The following ARID1A variants were observed in gnomAD, a reference collection of about 807,000 sequenced individuals.
ARID1A encodes the protein AT-rich interaction domain 1A, also known as AT-rich interactive domain-containing protein 1A.
ARID1A carries 20 observed loss-of-function variants against 212.6 expected under a neutral mutation model. The ratio of observed to expected loss-of-function variants is 0.09; its 90% CI spans 0.07 to 0.14. The LOEUF is 0.14. Ranked by LOEUF, ARID1A falls within the 10% of genes least tolerant of loss-of-function variation. The pLI is 1.00. For synonymous variants in ARID1A, 1,376 were observed against 1,222.1 expected, an observed-to-expected ratio of 1.13 and a Z score of -2.63; for missense variants, 2,587 against 3,059.0, an observed-to-expected ratio of 0.85 and a Z score of 3.64.
At chr1:26,740,379 A>T (rs1466701239) in intron 4 of ARID1A, among the ~76,000 whole-genome samples, 1 of 152,226 alleles carries the variant, frequency 6.6e-6, no homozygotes, top group Non-Finnish European at 1.5e-5. Context: ...GAGTTTGGTG[A>T]AGTCACTGAT....
intron 4 of ARID1A, among the ~76,000 whole-genome samples, chr1:26,746,596 C>CT (rs2080837116): frequency 6.6e-6 from 1 of 152,142 alleles, no homozygotes; most frequent in Non-Finnish European, 1.5e-5. Context: ...AGGTGTGGAG[C>CT]TATGTTAACA....
chr1:26,706,958 T>C (rs1369294174), intron 1 of ARID1A, among the ~76,000 whole-genome samples: 1 of 152,120 alleles, frequency 6.6e-6, no homozygotes, highest in African/African-American at 2.4e-5. Context: ...GAGAACCATA[T>C]TACAAAGCTT....
intron 1 of ARID1A, among the ~76,000 whole-genome samples, chr1:26,700,104 GAGAC>G (rs1275235763): frequency 1.3e-5 from 2 of 152,200 alleles, no homozygotes; most frequent in African/African-American, 4.8e-5. Flanking sequence ...AGTTGTGTAA[GAGAC>G]AGTGCAGCTT....
chr1:26,700,506 T>C (rs1283085782), intron 1 of ARID1A, among the ~76,000 whole-genome samples: 1 of 152,242 alleles, frequency 6.6e-6, no homozygotes, highest in Non-Finnish European at 1.5e-5. Context: ...CCGGTACTGA[T>C]GAAATAGTTT....
intron 11 of ARID1A, among the ~76,000 whole-genome samples, chr1:26,768,635 T>C (rs562502419): frequency 6.6e-6 from 1 of 152,144 alleles, no homozygotes; most frequent in African/African-American, 2.4e-5. Flanking sequence ...GAAGAAGTAG[T>C]AGGAAATTAT....
Position 26,767,841 on chromosome 1 carries a change from C to T in ARID1A, c.3040C>T (p.Leu1014=), listed in dbSNP as rs2124086360. The change falls in exon 11 of 20, where the codon CTG becomes TTG. Residue 1014 remains leucine (L), a synonymous_variant. Coordinates refer to ENST00000324856, the MANE Select transcript of ARID1A (RefSeq NM_006015.6). The stretch of plus-strand genomic sequence containing the variant: ...TGAGAAGATCACCAAGTTGTATGAG[C>T]TGGGTGGTGAGCCTGAGAGGAAGAT... ...TNEKITKLYE[L]GGEPERKMWV... 2 of 1,614,124 alleles carry T rather than the reference C, an allele frequency of 1.2e-6. No homozygotes were observed. Among genetic ancestry groups the T allele is most frequent in the East Asian group, 2.2e-5 (1 of 44,878 alleles).
At chr1:26,705,560 A>G (rs1390002218) in intron 1 of ARID1A, among the ~76,000 whole-genome samples, 5 of 150,512 alleles carry the variant, frequency 3.3e-5, no homozygotes, top group Admixed American at 2.0e-4. Context: ...CCATTTTGGC[A>G]TTTTGCAAAA....
At position 26,781,712 on chromosome 1, in the gene ARID1A, A is replaced by T; in HGVS notation, c.*956A>T. 1 of 233,748 alleles carries T rather than the reference A, an allele frequency of 4.3e-6. No individual in the cohort carries two copies. Among genetic ancestry groups the T allele is most frequent in the Non-Finnish European group, 8.5e-6 (1 of 118,072 alleles). The allele number at this position is 233,748 out of a possible 1,614,324, so 14.5% of individuals were successfully genotyped here. A position where few individuals can be genotyped will look rare whatever the true frequency, so the allele number is the denominator to read the frequency against. On this transcript the variant is annotated 3_prime_UTR_variant, in exon 20 of 20. Transcript: ENST00000324856. ...AGTATGACGAGTTAACAAGTTGGTGACCTGCACAAAGCGAGACACAGCTAT... is the reference window on the plus strand; with the variant it reads ...AGTATGACGAGTTAACAAGTTGGTGTCCTGCACAAAGCGAGACACAGCTAT...
chr1:26,732,885 G>T, intron 4 of ARID1A, 93 bp downstream of exon 4: 1 of 1,083,294 alleles, frequency 9.2e-7, no homozygotes, highest in Non-Finnish European at 1.4e-6. Context: ...AGCTAATTTT[G>T]ACCTAAATGA....
At chr1:26,705,054 A>G (rs1204887414) in intron 1 of ARID1A, among the ~76,000 whole-genome samples, 1 of 151,984 alleles carries the variant, frequency 6.6e-6, no homozygotes, top group Admixed American at 6.6e-5. Flanking sequence ...ACAGCTGAAG[A>G]TGCATGGCAT....
intron 1 of ARID1A, among the ~76,000 whole-genome samples, chr1:26,704,575 T>G (rs1160033215): frequency 6.6e-6 from 1 of 152,128 alleles, no homozygotes; most frequent in Non-Finnish European, 1.5e-5. Flanking sequence ...ATACTGTTTT[T>G]GGCCGGGCGC....
chr1:26,742,898 A>G (rs2080801416), intron 4 of ARID1A, among the ~76,000 whole-genome samples: 1 of 152,194 alleles, frequency 6.6e-6, no homozygotes, highest in Non-Finnish European at 1.5e-5. Flanking sequence ...TGAACCCGAG[A>G]GGCGGAGGTT....
intron 4 of ARID1A, among the ~76,000 whole-genome samples, chr1:26,744,105 T>G (rs886352849): frequency 2.0e-5 from 3 of 152,100 alleles, no homozygotes; most frequent in Admixed American, 6.5e-5. Context: ...CTGCCCAGAC[T>G]GCTAAGAGCA....
chr1:26,696,507 C>CG lies in ARID1A; in HGVS notation c.110dup (p.Glu38ArgfsTer73). The CG allele has an allele frequency of 1.6e-6, 2 of 1,229,556 alleles. No homozygotes were observed. The highest frequency in any genetic ancestry group is 3.3e-5 in the East Asian group (1 of 30,390). The allele number at this position is 1,229,556 out of a possible 1,614,324, so 76.2% of individuals were successfully genotyped here. A position where few individuals can be genotyped will look rare whatever the true frequency, so the allele number is the denominator to read the frequency against. On this transcript the variant is annotated frameshift_variant, in exon 1 of 20. Transcript: ENST00000324856. LOFTEE classifies it high-confidence loss of function. Reference sequence around the variant, plus strand: ...GCCGAGCAGCAGCAGCGGGAGGAGGCGGGGGGCGAGGCGGCGGCGGCGGCA... The same window carrying CG: ...GCCGAGCAGCAGCAGCGGGAGGAGGCGGGGGGGCGAGGCGGCGGCGGCGGCA...
At chr1:26,752,362 C>T (rs1402721290) in intron 4 of ARID1A, among the ~76,000 whole-genome samples, 3 of 152,154 alleles carry the variant, frequency 2.0e-5, no homozygotes, top group African/African-American at 7.2e-5. Context: ...CTTTTGGAGT[C>T]CCTACCAGTC....
intron 1 of ARID1A, among the ~76,000 whole-genome samples, chr1:26,727,413 TAAATAA>T (rs966564366): frequency 1.3e-5 from 2 of 152,230 alleles, no homozygotes; most frequent in African/African-American, 2.4e-5. Flanking sequence ...TAATTAAATG[TAAATAA>T]AAATAAAAAT....
At position 26,775,205 on chromosome 1, in the gene ARID1A, A is replaced by G; in HGVS notation, c.4978A>G (p.Thr1660Ala). The G allele has an allele frequency of 6.3e-7, 1 of 1,589,272 alleles. No individual in the cohort carries two copies. Among genetic ancestry groups the G allele is most frequent in the South Asian group, 1.1e-5 (1 of 88,094 alleles). Residue 1660 changes from threonine to alanine, a missense_variant, in exon 18 of 20, where the codon ACA becomes GCA. Transcript: ENST00000324856. ...TGTGTTGAAGCAGAGGAGGCGGCTC[A>G]CAATGAAAGACATTGGTAAGGAGAT... Reference protein sequence around the residue: ...QPVLKQRRRLTMKDIGTPEAW... With the variant: ...QPVLKQRRRLAMKDIGTPEAW...
At chr1:26,772,446 G>A (rs143993399) in intron 12 of ARID1A, 54 bp from the exon 13 acceptor site, 129 of 1,612,132 alleles carry the variant, frequency 8.0e-5, no homozygotes, top group Non-Finnish European at 1.1e-4. Flanking sequence ...GTTTGTGTGA[G>A]AGTTAAACAC....
At chr1:26,767,325 T>C (rs1395588063) in intron 10 of ARID1A, among the ~76,000 whole-genome samples, 1 of 152,210 alleles carries the variant, frequency 6.6e-6, no homozygotes, top group Non-Finnish European at 1.5e-5. Context: ...GTCCATCCCA[T>C]TGCCTCAAGA....
Sources: allele counts gnomAD v4.1 joint callset (sites outside exome capture counted in the v4.1 genomes callset), GRCh38; gene constraint gnomAD v4.1.1; transcripts MANE v1.5; gene names NCBI Gene and HGNC (gene_info 2026-07-23, HGNC 2026-07-21).